The following ST6GALNAC5 variants were observed in gnomAD, a reference collection of about 807,000 sequenced individuals.
The protein encoded by ST6GALNAC5 is ST6 N-acetylgalactosaminide alpha-2,6-sialyltransferase 5, also known as alpha-N-acetylgalactosaminide alpha-2,6-sialyltransferase 5.
A neutral mutation model predicts 33.6 loss-of-function variants in ST6GALNAC5; 27 were observed. The observed-to-expected ratio is 0.80, with a 90% CI of 0.59 to 1.11. The LOEUF (loss-of-function observed/expected upper bound fraction) is 1.11. ST6GALNAC5 is among the 50% of genes least tolerant of loss of function. The pLI is 0.00. For synonymous variants in ST6GALNAC5, 194 were observed against 171.2 expected, an observed-to-expected ratio of 1.13 and a Z score of -1.04; for missense variants, 428 against 454.0, an observed-to-expected ratio of 0.94 and a Z score of 0.52.
intron 2 of ST6GALNAC5, among the ~76,000 whole-genome samples, chr1:76,977,887 G>C (rs1275825828): frequency 6.6e-6 from 1 of 152,026 alleles, no homozygotes; most frequent in Non-Finnish European, 1.5e-5. Flanking sequence ...TTAATTGTTT[G>C]AGAAACTTCT....
chr1:76,877,397 C>A (rs1653670929), intron 2 of ST6GALNAC5, among the ~76,000 whole-genome samples: 1 of 152,164 alleles, frequency 6.6e-6, no homozygotes, highest in Non-Finnish European at 1.5e-5. Flanking sequence ...AACTGGCAGC[C>A]TTTCGGGTCA....
intron 2 of ST6GALNAC5, among the ~76,000 whole-genome samples, chr1:76,956,163 A>G (rs546719640): frequency 3.3e-5 from 5 of 152,244 alleles, no homozygotes; most frequent in African/African-American, 9.6e-5. Flanking sequence ...TTGAAACCGG[A>G]TATGATAATT....
Position 77,063,903 on chromosome 1 carries a change from GTGT to G in ST6GALNAC5, c.*701_*703del, listed in dbSNP as rs1450671387. The G allele has an allele frequency of 6.6e-6, 1 of 152,596 alleles. No individual in the cohort carries two copies. The highest frequency in any genetic ancestry group is 2.4e-5 in the African/African-American group (1 of 41,448). 9.5% of individuals were successfully genotyped at this position (152,596 alleles called of 1,614,324 possible). On this transcript the variant is annotated 3_prime_UTR_variant, in exon 5 of 5. Coordinates refer to ENST00000477717, the MANE Select transcript of ST6GALNAC5 (RefSeq NM_030965.3). ...CATGCAATTGGTATTTGACTTGGAA[GTGT>G]TGTGTTGTATTTTTTGAACCCCTAG...
At chr1:76,987,902 T>C (rs1649574615) in intron 2 of ST6GALNAC5, among the ~76,000 whole-genome samples, 1 of 152,144 alleles carries the variant, frequency 6.6e-6, no homozygotes, top group Non-Finnish European at 1.5e-5. Context: ...GCTTGTTGTA[T>C]GTGGACGTCT....
intron 4 of ST6GALNAC5, among the ~76,000 whole-genome samples, chr1:77,058,197 C>T (rs529367604): frequency 3.3e-5 from 5 of 152,234 alleles, no homozygotes; most frequent in Non-Finnish European, 5.9e-5. Context: ...TTGGTCCAAA[C>T]CTTGGCTGCG....
chr1:77,009,065 G>A (rs991809125), intron 2 of ST6GALNAC5, among the ~76,000 whole-genome samples: 1 of 152,134 alleles, frequency 6.6e-6, no homozygotes, highest in Non-Finnish European at 1.5e-5. Flanking sequence ...CAACTTTTCT[G>A]TAACACTGAA....
chr1:77,000,335 G>A (rs1650099114), intron 2 of ST6GALNAC5, among the ~76,000 whole-genome samples: 2 of 126,518 alleles, frequency 1.6e-5, no homozygotes, highest in African/African-American at 5.0e-5. Context: ...TTTCGATGGG[G>A]TTGTTTATTT....
At position 77,065,917 on chromosome 1, in the gene ST6GALNAC5, C is replaced by T. The variant is rs1159934103; in HGVS notation, c.*2711C>T. On this transcript the variant is annotated 3_prime_UTR_variant, in exon 5 of 5. Transcript: ENST00000477717. ...GTTATTTCAACACAAGAACATTTGG[C>T]AGAGGCCATTACAATAGATAGCCAT... 6.6e-6 allele frequency among the ~76,000 whole-genome samples: 1 copy of T among 152,172 alleles called. No individual in the cohort carries two copies. Among genetic ancestry groups the T allele is most frequent in the African/African-American group, 2.4e-5 (1 of 41,438 alleles).
intron 2 of ST6GALNAC5, among the ~76,000 whole-genome samples, chr1:76,892,231 GA>G (rs1176095547): frequency 1.3e-5 from 2 of 152,088 alleles, no homozygotes; most frequent in South Asian, 2.1e-4. Context: ...ACTATGGACA[GA>G]AAAAAAGACT....
At chr1:76,884,923 A>G (rs1653859095) in intron 2 of ST6GALNAC5, among the ~76,000 whole-genome samples, 1 of 152,192 alleles carries the variant, frequency 6.6e-6, no homozygotes, top group Non-Finnish European at 1.5e-5. Context: ...AATAAGAACT[A>G]TGGTGTCCCT....
At chr1:76,941,651 A>G (rs1390946799) in intron 2 of ST6GALNAC5, among the ~76,000 whole-genome samples, 1 of 152,116 alleles carries the variant, frequency 6.6e-6, no homozygotes, top group African/African-American at 2.4e-5. Context: ...GATACAGAGA[A>G]GAGGAGAAGG....
At chr1:77,000,707 T>C (rs898731282) in intron 2 of ST6GALNAC5, among the ~76,000 whole-genome samples, 2 of 150,788 alleles carry the variant, frequency 1.3e-5, no homozygotes, top group African/African-American at 4.9e-5. Flanking sequence ...GCTTTGTACA[T>C]ATGGCTAGCC....
chr1:77,034,907 T>A (rs1238579637), intron 2 of ST6GALNAC5, among the ~76,000 whole-genome samples: 2 of 152,206 alleles, frequency 1.3e-5, no homozygotes, highest in Non-Finnish European at 2.9e-5. Context: ...TTTTTAGAAG[T>A]GAGGAGACTT....
intron 2 of ST6GALNAC5, among the ~76,000 whole-genome samples, chr1:76,974,355 A>G (rs1648907990): frequency 1.3e-5 from 2 of 151,922 alleles, no homozygotes; most frequent in South Asian, 2.1e-4. Context: ...ATAGACATGC[A>G]TCACCACACT....
intron 2 of ST6GALNAC5, among the ~76,000 whole-genome samples, chr1:76,913,240 A>G (rs1479081991): frequency 6.6e-6 from 1 of 151,694 alleles, no homozygotes; most frequent in Non-Finnish European, 1.5e-5. Flanking sequence ...AATGTTGAAT[A>G]TTGGCCCCCA....
At chr1:77,038,365 A>G (rs1394775219) in intron 2 of ST6GALNAC5, among the ~76,000 whole-genome samples, 2 of 152,240 alleles carry the variant, frequency 1.3e-5, no homozygotes. Context: ...GCTAATAAAA[A>G]GCACAGTAAT....
rs11162241 is a variant in ST6GALNAC5 at position 76,972,600 on chromosome 1, G to A, written c.262-71604G>A. ...TCCCTTACTTATAACATTTTGTGTTGTTTCTGATCCTGTGTTTTTATAAAC... is the reference window on the plus strand; with the variant it reads ...TCCCTTACTTATAACATTTTGTGTTATTTCTGATCCTGTGTTTTTATAAAC... On this transcript the variant is annotated intron_variant, in intron 2 of 4. Transcript: ENST00000477717. 7.7e-3 allele frequency among the ~76,000 whole-genome samples: 1,167 copies of A among 152,122 alleles called. 16 individuals carry two copies. Among genetic ancestry groups the A allele is most frequent in the African/African-American group, 0.023 (954 of 41,494 alleles).
chr1:76,981,883 A>T (rs1489784884), intron 2 of ST6GALNAC5, among the ~76,000 whole-genome samples: 3 of 152,268 alleles, frequency 2.0e-5, no homozygotes, highest in Non-Finnish European at 4.4e-5. Context: ...CTGGAGTGGA[A>T]CTCCAGCAAA....
chr1:76,977,122 C>T (rs992606254), intron 2 of ST6GALNAC5, among the ~76,000 whole-genome samples: 5 of 151,950 alleles, frequency 3.3e-5, no homozygotes, highest in South Asian at 4.2e-4. Flanking sequence ...TTTCTAATTT[C>T]CTGAAAGATA....
Sources: gnomAD v4.1 joint callset for allele counts (sites outside exome capture counted in the v4.1 genomes callset) on GRCh38, gnomAD v4.1.1 for gene constraint, MANE v1.5 for transcripts, NCBI Gene and HGNC (gene_info 2026-07-23, HGNC 2026-07-21) for gene names.